EML5: variants seen among roughly 807,000 people sequenced by gnomAD.
EML5 encodes echinoderm microtubule-associated protein-like 5.
In EML5, 120 loss-of-function variants were observed where a neutral mutation model predicts 250.0. The ratio of observed to expected loss-of-function variants is 0.48; its 90% CI spans 0.41 to 0.56. The LOEUF is 0.56. Among genes scored for constraint, EML5 ranks in the 20% least tolerant of loss-of-function variants. EML5 has a pLI of 0.00. For synonymous variants in EML5, 771 were observed against 806.5 expected, an observed-to-expected ratio of 0.96 and a Z score of 0.75; for missense variants, 2,006 against 2,437.6, an observed-to-expected ratio of 0.82 and a Z score of 3.73.
In EML5 at chr14:88,644,530, G is replaced by T; in HGVS notation, c.4029-19C>A. ...TGGAGGCCTGCAACAGAGAAGTGGG[G>T]AGGAGGAAAGGCATGCAGCACTCAG... is the stretch of plus-strand genomic sequence containing the variant. On this transcript the variant is annotated intron_variant, in intron 29 of 43. Coordinates refer to ENST00000554922, the MANE Select transcript of EML5 (RefSeq NM_183387.3). 1 of 1,612,540 alleles carries T rather than the reference G, an allele frequency of 6.2e-7. No individual in the cohort carries two copies. The highest frequency in any genetic ancestry group is 8.5e-7 in the Non-Finnish European group (1 of 1,178,796).
In EML5 at chr14:88,626,828, A is replaced by G. The variant is rs2090004175; in HGVS notation, c.4740+10T>C. 1.9e-6 allele frequency: 3 copies of G among 1,613,214 alleles called. No individual in the cohort carries two copies. The highest frequency in any genetic ancestry group is 1.7e-5 in the Admixed American group (1 of 59,954). On this transcript the variant is annotated intron_variant, in intron 35 of 43. Coordinates refer to ENST00000554922, the MANE Select transcript of EML5 (RefSeq NM_183387.3). The stretch of plus-strand genomic sequence containing the variant: ...TCAAAGTCACACTATGTGCATTTTA[A>G]GAGACATACTGCACCAAATGCAATA...
chr14:88,642,537 C>T (rs987378750), intron 31 of EML5, among the ~76,000 whole-genome samples: 4 of 152,104 alleles, frequency 2.6e-5, no homozygotes, highest in South Asian at 4.1e-4. Context: ...CTATCAGAAA[C>T]CACCATCCAA....
intron 4 of EML5, among the ~76,000 whole-genome samples, chr14:88,742,525 A>G (rs1258634579): frequency 6.6e-6 from 1 of 152,194 alleles, no homozygotes; most frequent in Non-Finnish European, 1.5e-5. Context: ...TAGTTTATTT[A>G]GTTTGAGATA....
chr14:88,719,798 C>T (rs1447755996), intron 8 of EML5, among the ~76,000 whole-genome samples: 1 of 151,532 alleles, frequency 6.6e-6, no homozygotes, highest in Non-Finnish European at 1.5e-5. Context: ...AATACCTTCA[C>T]AAAGGAGATA....
chr14:88,683,853 A>G (rs2092768128), intron 20 of EML5, among the ~76,000 whole-genome samples: 1 of 152,190 alleles, frequency 6.6e-6, no homozygotes, highest in Non-Finnish European at 1.5e-5. Context: ...TTAACCTTAT[A>G]CTCAATGGTG....
rs1413773654 is a variant in EML5, at chr14:88,731,510, A to G, written c.1050-4832T>C. ...TGGTTCCAAGTCTTTGCTATTGTGAATAGTGCCACAATAAACATACGTGTG... is the reference window on the plus strand; with the variant it reads ...TGGTTCCAAGTCTTTGCTATTGTGAGTAGTGCCACAATAAACATACGTGTG... On this transcript the variant is annotated intron_variant, in intron 7 of 43. Coordinates refer to ENST00000554922, the MANE Select transcript of EML5 (RefSeq NM_183387.3). Among the ~76,000 whole-genome samples the G allele has an allele frequency of 2.0e-5, 3 of 152,146 alleles. No homozygotes were observed. The East Asian group carries it at 5.8e-4, about 29-fold the overall frequency.
Position 88,630,537 on chromosome 14 carries a change from C to T in EML5, c.4358-2718G>A, listed in dbSNP as rs538256420. On this transcript the variant is annotated intron_variant, in intron 33 of 43. Transcript: ENST00000554922. ...ATTCAGGGGAAACAAACTGCATGCT[C>T]AACTAATAAGTCTGAGCCCACTGTG... 2.0e-5 allele frequency among the ~76,000 whole-genome samples: 3 copies of T among 152,268 alleles called. No homozygotes were observed. The South Asian group carries it at 6.2e-4, about 32-fold the overall frequency.
intron 32 of EML5, among the ~76,000 whole-genome samples, chr14:88,634,803 T>A (rs1255170180): frequency 6.6e-6 from 1 of 152,198 alleles, no homozygotes; most frequent in Non-Finnish European, 1.5e-5. Flanking sequence ...TTTTGGTTTA[T>A]AAAAATGTAC....
intron 21 of EML5, among the ~76,000 whole-genome samples, chr14:88,673,396 A>G (rs557611281): frequency 2.0e-5 from 3 of 151,540 alleles, no homozygotes; most frequent in East Asian, 3.9e-4. Context: ...TCAAAATAAT[A>G]ATGATAAACC....
At chr14:88,689,652 T>C (rs1441971840) in intron 17 of EML5, among the ~76,000 whole-genome samples, 3 of 152,074 alleles carry the variant, frequency 2.0e-5, no homozygotes, top group African/African-American at 7.2e-5. Context: ...GAGGCTAGCT[T>C]GAGCCTGAGA....
intron 1 of EML5, among the ~76,000 whole-genome samples, chr14:88,775,134 C>A (rs909069118): frequency 2.0e-5 from 3 of 152,148 alleles, no homozygotes; most frequent in Non-Finnish European, 2.9e-5. Context: ...TGTCAAGGGC[C>A]TTAAGTGAGC....
intron 8 of EML5, among the ~76,000 whole-genome samples, chr14:88,715,788 G>A (rs948221578): frequency 2.0e-5 from 3 of 151,608 alleles, no homozygotes; most frequent in Non-Finnish European, 2.9e-5. Flanking sequence ...TCAGCCTCCC[G>A]AGTAGCTGGG....
intron 1 of EML5, among the ~76,000 whole-genome samples, chr14:88,767,982 C>T (rs934994871): frequency 6.6e-6 from 1 of 152,182 alleles, no homozygotes; most frequent in African/African-American, 2.4e-5. Flanking sequence ...TTAGCAACTT[C>T]CAGTCTCTAT....
At chr14:88,696,728 G>T in intron 15 of EML5, 119 bp downstream of exon 15, 2 of 586,416 alleles carry the variant, frequency 3.4e-6, no homozygotes, top group Non-Finnish European at 5.7e-6. Flanking sequence ...ATACACATTT[G>T]ATAAAAACTG....
At chr14:88,719,605 C>T (rs959684140) in intron 8 of EML5, among the ~76,000 whole-genome samples, 1 of 151,792 alleles carries the variant, frequency 6.6e-6, no homozygotes, top group Non-Finnish European at 1.5e-5. Flanking sequence ...AGTCAAAGTT[C>T]CATATGTGTA....
At chr14:88,749,485 C>A (rs1425965024) in intron 2 of EML5, among the ~76,000 whole-genome samples, 1 of 152,026 alleles carries the variant, frequency 6.6e-6, no homozygotes, top group Non-Finnish European at 1.5e-5. Context: ...AAACAACTTA[C>A]ACATATGAGA....
intron 21 of EML5, among the ~76,000 whole-genome samples, chr14:88,676,952 T>A (rs1269595041): frequency 1.3e-5 from 2 of 152,222 alleles, no homozygotes; most frequent in South Asian, 2.1e-4. Context: ...TCTCCCAGAC[T>A]GACGTGCAGT....
chr14:88,650,090 A>G (rs1595370072), intron 27 of EML5, among the ~76,000 whole-genome samples, 164 bp from the exon 28 acceptor site: 1 of 152,302 alleles, frequency 6.6e-6, no homozygotes, highest in South Asian at 2.1e-4. Flanking sequence ...ATTGATTTAA[A>G]TATTTTTATT....
chr14:88,777,364 A>G (rs757536675), intron 1 of EML5, among the ~76,000 whole-genome samples: 5 of 152,330 alleles, frequency 3.3e-5, no homozygotes, highest in Non-Finnish European at 7.3e-5. Flanking sequence ...ATGAAGGAGA[A>G]ACAAAGACTT....
Sources: gnomAD v4.1 joint callset for allele counts (sites outside exome capture counted in the v4.1 genomes callset) on GRCh38, gnomAD v4.1.1 for gene constraint, MANE v1.5 for transcripts, NCBI Gene and HGNC (gene_info 2026-07-23, HGNC 2026-07-21) for gene names.